The following DEFB121 variants were observed in gnomAD, a reference collection of about 807,000 sequenced individuals.
DEFB121 encodes the protein defensin beta 121.
DEFB121 carries 5 observed loss-of-function variants against 2.5 expected under a neutral mutation model. The ratio of observed to expected loss-of-function variants is 1.96; its 90% CI spans 1.03 to 4.13. DEFB121 has a LOEUF of 4.13. Among genes scored for constraint, DEFB121 ranks in the 30% most tolerant of loss-of-function variants. The pLI is 0.00. For synonymous variants in DEFB121, 39 were observed against 32.6 expected, an observed-to-expected ratio of 1.20 and a Z score of -0.67; for missense variants, 87 against 85.0, an observed-to-expected ratio of 1.02 and a Z score of -0.09.
chr20:31,409,479 G>A (rs1220565863), upstream of DEFB121, among the ~76,000 whole-genome samples: 4 of 152,190 alleles, frequency 2.6e-5, no homozygotes, highest in African/African-American at 7.2e-5. Context: ...GGTGGTTCAC[G>A]CCTGTAATCC....
In DEFB121 at chr20:31,404,930, A is replaced by G; in HGVS notation, c.214T>C (p.Ser72Pro). Residue 72 changes from serine to proline, a missense_variant, in exon 2 of 2, where the codon TCA (serine) becomes CCA (proline). Ser to Pro is a moderately conservative substitution (Grantham distance 74, BLOSUM62 -1). Coordinates refer to ENST00000376314, the MANE Select transcript of DEFB121 (RefSeq NM_001011878.3). ...KLTDTNTSLE[S>P]TSAV The stretch of plus-strand genomic sequence containing the variant: ...GAGAGGTGTCAGACTGCAGAAGTTG[A>G]TTCCAGGCTTGTATTTGTGTCTGTT... 1 of 1,614,010 alleles carries G rather than the reference A, an allele frequency of 6.2e-7. No individual in the cohort carries two copies. The highest frequency in any genetic ancestry group is 8.5e-7 in the Non-Finnish European group (1 of 1,179,974).
chr20:31,415,043 G>C (rs966824450), upstream of DEFB121, among the ~76,000 whole-genome samples: 17 of 152,158 alleles, frequency 1.1e-4, no homozygotes, highest in African/African-American at 3.4e-4. Context: ...CTCCAGCCTG[G>C]GTGACAGAGT....
At chr20:31,406,340 G>A (rs1439813188), upstream of DEFB121, 3 of 1,267,780 alleles carry the variant, frequency 2.4e-6, no homozygotes, top group Non-Finnish European at 3.0e-6. Flanking sequence ...CAACCACACT[G>A]CCTGAGGAGG....
chr20:31,415,993 G>A (rs1045560368), upstream of DEFB121, among the ~76,000 whole-genome samples: 7 of 152,290 alleles, frequency 4.6e-5, no homozygotes, highest in South Asian at 8.3e-4. Context: ...TGGTTCTCAG[G>A]TCAAAATCAG....
upstream of DEFB121, among the ~76,000 whole-genome samples, chr20:31,407,407 TG>T (rs1025693432): frequency 2.0e-5 from 3 of 152,336 alleles, no homozygotes; most frequent in African/African-American, 7.2e-5. Flanking sequence ...TAGTGATATG[TG>T]GGCAGAAGTG....
upstream of DEFB121, among the ~76,000 whole-genome samples, chr20:31,417,599 A>C (rs181989772): frequency 6.6e-6 from 1 of 152,202 alleles, no homozygotes; most frequent in African/African-American, 2.4e-5. Context: ...AAATTGAAAG[A>C]CATGAGTTTG....
chr20:31,408,764 G>A (rs536525007), upstream of DEFB121, among the ~76,000 whole-genome samples: 120 of 152,232 alleles, frequency 7.9e-4, no homozygotes, highest in Middle Eastern at 0.027. Context: ...GGTGGCTCAC[G>A]CCTGTAATTC....
chr20:31,406,812 A>AT (rs2122350346), upstream of DEFB121, among the ~76,000 whole-genome samples: 1 of 152,110 alleles, frequency 6.6e-6, no homozygotes, highest in South Asian at 2.1e-4. Context: ...ATTATTACTT[A>AT]TTTTTTTGAG....
chr20:31,414,437 T>C (rs942706822), upstream of DEFB121, among the ~76,000 whole-genome samples: 4 of 152,114 alleles, frequency 2.6e-5, no homozygotes, highest in African/African-American at 9.7e-5. Flanking sequence ...AGCCAAGATA[T>C]GGAAACAAGC....
rs746773177 is a variant in DEFB121, at chr20:31,406,121, G to A, written c.32C>T (p.Thr11Ile). MKLLLLLLTV[T>I]LLLAQVTPVM... ...TGGGGTGACCTGGGCCAGGAGCAGA[G>A]TAACAGTCAAAAGCAGAAGAAGGAG... The change falls in exon 1 of 2, where the codon ACT becomes ATT. Residue 11 changes from threonine (T) to isoleucine (I), a missense_variant. Coordinates refer to ENST00000376314, the MANE Select transcript of DEFB121 (RefSeq NM_001011878.3). The A allele has an allele frequency of 8.1e-6, 13 of 1,614,046 alleles. No homozygotes were observed. Among genetic ancestry groups the A allele is most frequent in the Non-Finnish European group, 1.0e-5 (12 of 1,180,010 alleles).
intron 1 of DEFB121, among the ~76,000 whole-genome samples, chr20:31,411,749 G>A (rs532585894): frequency 9.0e-4 from 137 of 152,320 alleles, no homozygotes; most frequent in African/African-American, 3.1e-3. Context: ...GAAGTGTCCA[G>A]GAGCCTGGAG....
chr20:31,405,431 C>A (rs1248617739), intron 1 of DEFB121, among the ~76,000 whole-genome samples: 1 of 152,136 alleles, frequency 6.6e-6, no homozygotes, highest in East Asian at 1.9e-4. Flanking sequence ...TGCCCAGTAG[C>A]AATTAGCCAC....
At chr20:31,410,823 TGAGAGAGAGAGAGA>T (rs72164704), upstream of DEFB121, among the ~76,000 whole-genome samples, 4 of 136,048 alleles carry the variant, frequency 2.9e-5, no homozygotes, top group South Asian at 2.5e-4. Context: ...CCTTGAAAAA[TGAGAGAGAGAGAGA>T]GAGAGAGAGA....
upstream of DEFB121, among the ~76,000 whole-genome samples, chr20:31,413,418 G>A (rs1196355915): frequency 2.6e-5 from 4 of 152,198 alleles, no homozygotes; most frequent in African/African-American, 9.6e-5. Flanking sequence ...CTAACAGCCA[G>A]CTCTGTTAGG....
Position 31,404,857 on chromosome 20 carries a change from A to T in DEFB121, c.*56T>A, listed in dbSNP as rs1390791678. On this transcript the variant is annotated 3_prime_UTR_variant, in exon 2 of 2. Coordinates refer to ENST00000376314, the MANE Select transcript of DEFB121 (RefSeq NM_001011878.3). ...CAGAAACAGGGTGTTGCCAAGAATG[A>T]TTTAATAGAACTGCAGGATCCCATG... 6.3e-6 allele frequency: 10 copies of T among 1,586,494 alleles called. No individual in the cohort carries two copies. The highest frequency in any genetic ancestry group is 8.6e-6 in the Non-Finnish European group (10 of 1,166,772).
At chr20:31,406,242 A>G (rs1185794444), upstream of DEFB121, 34 of 1,574,118 alleles carry the variant, frequency 2.2e-5, no homozygotes, top group Non-Finnish European at 2.8e-5. Context: ...ACTGGTATTT[A>G]TTGCCTTGAG....
upstream of DEFB121, among the ~76,000 whole-genome samples, chr20:31,408,085 T>A (rs944408395): frequency 6.6e-6 from 1 of 152,196 alleles, no homozygotes; most frequent in Non-Finnish European, 1.5e-5. Flanking sequence ...GGCCTAGGTC[T>A]ATCATTTCAA....
chr20:31,408,122 T>C (rs1045592845), upstream of DEFB121, among the ~76,000 whole-genome samples: 4 of 152,086 alleles, frequency 2.6e-5, no homozygotes, highest in African/African-American at 9.7e-5. Flanking sequence ...GACATACTAA[T>C]AAGAGGAATA....
chr20:31,408,954 A>G (rs1978575296), upstream of DEFB121, among the ~76,000 whole-genome samples: 1 of 151,968 alleles, frequency 6.6e-6, no homozygotes, highest in South Asian at 2.1e-4. Context: ...TGAACCTGGG[A>G]GGCAGAGGTT....
Sources: allele counts gnomAD v4.1 joint callset (sites outside exome capture counted in the v4.1 genomes callset), GRCh38; gene constraint gnomAD v4.1.1; transcripts MANE v1.5; gene names NCBI Gene and HGNC (gene_info 2026-07-23, HGNC 2026-07-21).